BAZ2A: variants seen among roughly 807,000 people sequenced by gnomAD.
BAZ2A encodes bromodomain adjacent to zinc finger domain protein 2A.
In BAZ2A, 34 loss-of-function variants were observed where a neutral mutation model predicts 199.9. The observed-to-expected ratio is 0.17, with a 90% CI of 0.13 to 0.23. The LOEUF (loss-of-function observed/expected upper bound fraction) is 0.23. Among genes scored for constraint, BAZ2A ranks in the 10% least tolerant of loss-of-function variants. BAZ2A has a pLI of 1.00. For synonymous variants in BAZ2A, 857 were observed against 883.9 expected, an observed-to-expected ratio of 0.97 and a Z score of 0.54; for missense variants, 2,002 against 2,391.1, an observed-to-expected ratio of 0.84 and a Z score of 3.39.
upstream of BAZ2A, among the ~76,000 whole-genome samples, chr12:56,631,374 C>G (rs1951306615): frequency 6.7e-6 from 1 of 149,872 alleles, no homozygotes; most frequent in Admixed American, 6.7e-5. Context: ...TCGCTTGAAC[C>G]TGGGAGGTGG....
chr12:56,618,589 T>A (rs1950802036), intron 1 of BAZ2A, among the ~76,000 whole-genome samples: 1 of 152,098 alleles, frequency 6.6e-6, no homozygotes, highest in South Asian at 2.1e-4. Flanking sequence ...AAAAAGCAAC[T>A]CCTTGAATTA....
Position 56,613,085 on chromosome 12 carries a change from A to G in BAZ2A, c.1065T>C (p.Asp355=), listed in dbSNP as rs980960662. ...NATAFSLLAD[D]SQTSTSIFAS... ...CAAAGATAGAGGTTGATGTTTGACTATCATCTGCCAGGAGACTGAAGGCAG... is the reference window on the plus strand; with the variant it reads ...CAAAGATAGAGGTTGATGTTTGACTGTCATCTGCCAGGAGACTGAAGGCAG... The change falls in exon 5 of 29, where the codon GAT becomes GAC. Residue 355 remains aspartate (D), a synonymous_variant. Transcript: ENST00000549884. 3 of 1,613,920 alleles carry G rather than the reference A, an allele frequency of 1.9e-6. No individual in the cohort carries two copies. The highest frequency in any genetic ancestry group is 2.5e-6 in the Non-Finnish European group (3 of 1,179,912).
In BAZ2A at chr12:56,600,427, C is replaced by T. The variant is rs369347419; in HGVS notation, c.4666G>A (p.Asp1556Asn). 10 of 1,613,808 alleles carry T rather than the reference C, an allele frequency of 6.2e-6. No individual in the cohort carries two copies. The highest frequency in any genetic ancestry group is 3.3e-5 in the South Asian group (3 of 91,084). ...EDLAYCEHLSDSQEDITWRGR... is the reference protein window; with the variant it reads ...EDLAYCEHLSNSQEDITWRGR... ...CGCCAGGTGATATCCTCCTGGGAGT[C>T]GGAGAGGTGCTCACAGTAGGCCAAG... Residue 1556 changes from aspartate to asparagine, a missense_variant, in exon 24 of 29, where the codon GAC (aspartate) becomes AAC (asparagine). By Grantham distance (23) the Asp-to-Asn change is conservative. This residue lies in a region of BAZ2A where 1,081 missense variants were observed against 1,274.7 expected (regional missense o/e 0.85). Transcript: ENST00000549884.
In BAZ2A at chr12:56,598,506, G is replaced by T; in HGVS notation, c.*112C>A. On this transcript the variant is annotated 3_prime_UTR_variant, in exon 29 of 29. Coordinates refer to ENST00000549884, the MANE Select transcript of BAZ2A (RefSeq NM_001300905.2). ...GCCAAGGGCAAGGTCAAAAATCAGGGTTGTATCTGACTTGAGTCTGGACCC... is the reference window on the plus strand; with the variant it reads ...GCCAAGGGCAAGGTCAAAAATCAGGTTTGTATCTGACTTGAGTCTGGACCC... The T allele has an allele frequency of 7.3e-7, 1 of 1,369,714 alleles. No individual in the cohort carries two copies. Among genetic ancestry groups the T allele is most frequent in the Non-Finnish European group, 9.8e-7 (1 of 1,017,530 alleles). 84.8% of individuals were successfully genotyped at this position (1,369,714 alleles called of 1,614,324 possible).
intron 18 of BAZ2A, 104 bp downstream of exon 18, chr12:56,603,255 C>T: frequency 1.5e-6 from 2 of 1,309,900 alleles, no homozygotes; most frequent in Non-Finnish European, 2.1e-6. Flanking sequence ...GTAACAGAAA[C>T]CCCATCTCAA....
At chr12:56,616,330 T>C (rs1031482434) in intron 2 of BAZ2A, among the ~76,000 whole-genome samples, 4 of 152,146 alleles carry the variant, frequency 2.6e-5, no homozygotes, top group Non-Finnish European at 5.9e-5. Context: ...AGGGGCCCCC[T>C]TTCCCCAGTG....
chr12:56,623,685 A>G (rs1415178668), intron 1 of BAZ2A, among the ~76,000 whole-genome samples: 1 of 152,154 alleles, frequency 6.6e-6, no homozygotes, highest in Non-Finnish European at 1.5e-5. Flanking sequence ...CTCTGAAGGT[A>G]TGTGCTACTG....
At chr12:56,631,257 C>T (rs1181276650), upstream of BAZ2A, among the ~76,000 whole-genome samples, 1 of 151,834 alleles carries the variant, frequency 6.6e-6, no homozygotes, top group Non-Finnish European at 1.5e-5. Flanking sequence ...TCAAGACCAG[C>T]CTGACCAACA....
In BAZ2A at chr12:56,597,532, T is replaced by G. The variant is rs1249088574; in HGVS notation, c.*1086A>C. ...CAGGTACTTGGGGAAACTGAATGGA[T>G]CCTATCAAACAATACAGGGTCACAA... On this transcript the variant is annotated 3_prime_UTR_variant, in exon 29 of 29. Transcript: ENST00000549884. The G allele has an allele frequency of 7.0e-6, 1 of 143,594 alleles. No individual in the cohort carries two copies. Among genetic ancestry groups the G allele is most frequent in the Non-Finnish European group, 1.5e-5 (1 of 66,456 alleles). The allele number at this position is 143,594 out of a possible 1,614,324, so 8.9% of individuals were successfully genotyped here.
At chr12:56,608,998 C>A (rs1269003919) in intron 10 of BAZ2A, among the ~76,000 whole-genome samples, 1 of 151,006 alleles carries the variant, frequency 6.6e-6, no homozygotes, top group Non-Finnish European at 1.5e-5. Context: ...CTCAGCCTCC[C>A]AAGTAGGTGG....
At position 56,601,417 on chromosome 12, in the gene BAZ2A, A is replaced by C; in HGVS notation, c.4072-15T>G. 1 of 1,607,832 alleles carries C rather than the reference A, an allele frequency of 6.2e-7. No individual in the cohort carries two copies. On this transcript the variant is annotated splice_polypyrimidine_tract_variant and intron_variant, in intron 20 of 28. Transcript: ENST00000549884. The stretch of plus-strand genomic sequence containing the variant: ...GGTCTATTCATCTGTGAATAAAATG[A>C]GACATAAGGAAATGAGGATGTTTTC...
rs1310474089 is a variant in BAZ2A at position 56,611,362 on chromosome 12, G to A, written c.1670+211C>T. 6 of 605,282 alleles carry A rather than the reference G, an allele frequency of 9.9e-6. No homozygotes were observed. The African/African-American group carries it at 1.1e-4, about 11-fold the overall frequency. 37.5% of individuals were successfully genotyped at this position (605,282 alleles called of 1,614,324 possible). Reference sequence around the variant, plus strand: ...ATTGAGTCACTACAAGATGAAAAAAGAATAGGTGATGGAAGACAGACCTTG... The same window carrying A: ...ATTGAGTCACTACAAGATGAAAAAAAAATAGGTGATGGAAGACAGACCTTG... On this transcript the variant is annotated intron_variant, in intron 7 of 28. Coordinates refer to ENST00000549884, the MANE Select transcript of BAZ2A (RefSeq NM_001300905.2).
chr12:56,623,807 G>A (rs1475843668), intron 1 of BAZ2A, among the ~76,000 whole-genome samples: 1 of 152,156 alleles, frequency 6.6e-6, no homozygotes, highest in Non-Finnish European at 1.5e-5. Context: ...TGCCAAGGCT[G>A]AGAAACCCTG....
chr12:56,599,649 G>A, intron 26 of BAZ2A, 53 bp downstream of exon 26: 3 of 1,609,036 alleles, frequency 1.9e-6, no homozygotes, highest in Non-Finnish European at 2.5e-6. Flanking sequence ...GAGAGATTGA[G>A]GATAATCTCT....
intron 13 of BAZ2A, 128 bp from the exon 14 acceptor site, chr12:56,605,455 T>A: frequency 2.9e-6 from 3 of 1,035,000 alleles, no homozygotes; most frequent in Non-Finnish European, 4.0e-6. Flanking sequence ...AGGGTCTCAC[T>A]CTGTCACCCA....
Position 56,600,705 on chromosome 12 carries a change from A to C in BAZ2A, c.4578T>G (p.Val1526=). ...CCCGAATCTGCAGATCAGACATGAT[A>C]ACCCGCTGCTCCAGCTCCTCTACCC... The part of the protein sequence containing the change: ...LQWVEELEQR[V]IMSDLQIRGW... Residue 1526 remains valine, a synonymous_variant, in exon 23 of 29, where the codon GTT becomes GTG. Coordinates refer to ENST00000549884, the MANE Select transcript of BAZ2A (RefSeq NM_001300905.2). The C allele has an allele frequency of 3.7e-6, 6 of 1,613,410 alleles. No individual in the cohort carries two copies. The highest frequency in any genetic ancestry group is 5.1e-6 in the Non-Finnish European group (6 of 1,179,842).
chr12:56,630,998 T>C (rs1407932569), upstream of BAZ2A: 3 of 451,140 alleles, frequency 6.6e-6, no homozygotes, highest in Admixed American at 1.9e-4. Context: ...TGTCCACCCA[T>C]TCTATGGTTC....
chr12:56,630,377 CACG>C, upstream of BAZ2A: 1 of 678,776 alleles, frequency 1.5e-6, no homozygotes, highest in Non-Finnish European at 1.8e-6. Context: ...AGAGTCTCCC[CACG>C]CGGCCTCCGC....
intron 1 of BAZ2A, chr12:56,621,301 T>C: frequency 1.0e-6 from 1 of 960,364 alleles, no homozygotes; most frequent in South Asian, 4.8e-5. Context: ...AATAACAACA[T>C]GTCGATGGCT....
Sources: gnomAD v4.1 joint callset for allele counts (sites outside exome capture counted in the v4.1 genomes callset) on GRCh38, gnomAD v4.1.1 for gene constraint, gnomAD v4.1.1 regional missense constraint, MANE v1.5 for transcripts, NCBI Gene and HGNC (gene_info 2026-07-23, HGNC 2026-07-21) for gene names.